Variants in PDXDC1 observed in about 807,000 individuals in gnomAD.
The protein encoded by PDXDC1 is pyridoxal dependent decarboxylase domain containing 1, also known as pyridoxal-dependent decarboxylase domain-containing protein 1.
A neutral mutation model predicts 100.1 loss-of-function variants in PDXDC1; 42 were observed. The ratio of observed to expected loss-of-function variants is 0.42; its 90% CI spans 0.33 to 0.54. The LOEUF (loss-of-function observed/expected upper bound fraction) is 0.54, where lower values mean the gene tolerates loss of function less well. PDXDC1 is among the 20% of genes least tolerant of loss of function. The pLI is 0.10. For synonymous variants in PDXDC1, 260 were observed against 371.7 expected, an observed-to-expected ratio of 0.70 and a Z score of 3.46; for missense variants, 636 against 979.2, an observed-to-expected ratio of 0.65 and a Z score of 4.68.
At chr16:15,010,453 C>G (rs1397657048) in intron 8 of PDXDC1, 1 of 154,582 alleles carries the variant, frequency 6.5e-6, no homozygotes, top group African/African-American at 2.4e-5. Context: ...AGTTCAATAC[C>G]AGTCTGGGTA....
At position 15,126,129 on chromosome 16, in the gene PDXDC1, C is replaced by G. The variant is rs2047709264; in HGVS notation, c.1400-12750C>G. On this transcript the variant is annotated intron_variant, in intron 16 of 16. Coordinates refer to the PDXDC1 transcript ENST00000535621. Reference sequence around the variant, plus strand: ...AGCTCACTGCAACCTCCACCTCCCGCGTTCAGGCGATTGTCCTGGCTCAGC... The same window carrying G: ...AGCTCACTGCAACCTCCACCTCCCGGGTTCAGGCGATTGTCCTGGCTCAGC... Among the ~76,000 whole-genome samples, 5 of 151,724 alleles carry G rather than the reference C, an allele frequency of 3.3e-5. No homozygotes were observed. The South Asian group carries it at 1.0e-3, about 32-fold the overall frequency.
At chr16:15,055,960 G>C in intron 16 of PDXDC1, 1 of 1,227,632 alleles carries the variant, frequency 8.1e-7, no homozygotes, top group South Asian at 4.0e-5. Context: ...GCCCCTCGAC[G>C]AGCAGCGGCA....
In PDXDC1 at chr16:15,135,742, C is replaced by T. The variant is rs1207802643; in HGVS notation, c.1400-3137C>T. 8 of 1,596,860 alleles carry T rather than the reference C, an allele frequency of 5.0e-6. No individual in the cohort carries two copies. In the South Asian group the frequency reaches 7.7e-5, roughly 15 times the overall value. ...CGTAGGACTCGCTCCCATCCAGCAC[C>T]AGGTCCTGTGTGTCTGACCACACGC... is the stretch of plus-strand genomic sequence containing the variant. On this transcript the variant is annotated intron_variant, in intron 16 of 16. Transcript: ENST00000535621.
intron 16 of PDXDC1, among the ~76,000 whole-genome samples, chr16:15,086,810 C>A (rs1480670238): frequency 1.3e-5 from 2 of 152,152 alleles, no homozygotes; most frequent in African/African-American, 4.8e-5. Flanking sequence ...CACAAAGGAA[C>A]AATAGCTACC....
chr16:15,028,927 C>A lies in PDXDC1; in HGVS notation c.1254C>A (p.Val418=). The A allele has an allele frequency of 1.2e-6, 2 of 1,613,798 alleles. No individual in the cohort carries two copies. Among genetic ancestry groups the A allele is most frequent in the Non-Finnish European group, 1.7e-6 (2 of 1,180,024 alleles). The part of the protein sequence containing the change: ...VPVPNMTPSG[V]GRERHSCDAL... The stretch of plus-strand genomic sequence containing the variant: ...TGCCCAACATGACACCTTCAGGAGT[C>A]GGCCGGGAGAGGCACTCGTGTGACG... The change falls in exon 15 of 23, where the codon GTC becomes GTA. Residue 418 remains valine, a synonymous_variant. Transcript: ENST00000396410.
chr16:15,055,997 C>G (rs2044500342), intron 16 of PDXDC1: 1 of 1,188,934 alleles, frequency 8.4e-7, no homozygotes, highest in East Asian at 3.4e-5. Context: ...CCAGGCAGGC[C>G]CAGGGAGGCG....
At chr16:14,993,133 A>T (rs557381013) in intron 1 of PDXDC1, among the ~76,000 whole-genome samples, 282 of 151,974 alleles carry the variant, frequency 1.9e-3, no homozygotes, top group African/African-American at 4.3e-3. Context: ...TTAAAAAAAA[A>T]TTTTTTTTTT....
intron 16 of PDXDC1, among the ~76,000 whole-genome samples, chr16:15,069,440 G>A (rs1203141740): frequency 2.0e-5 from 3 of 152,142 alleles, no homozygotes; most frequent in East Asian, 3.8e-4. Flanking sequence ...CACTGTTCTT[G>A]GAGACTCTCT....
At chr16:15,073,791 C>T (rs2045339378) in intron 16 of PDXDC1, among the ~76,000 whole-genome samples, 1 of 148,672 alleles carries the variant, frequency 6.7e-6, no homozygotes, top group Non-Finnish European at 1.5e-5. Flanking sequence ...ATTATTACGA[C>T]TTTTTTTTTT....
intron 16 of PDXDC1, among the ~76,000 whole-genome samples, chr16:15,124,629 G>A (rs1453338737): frequency 6.0e-5 from 9 of 149,968 alleles, no homozygotes; most frequent in South Asian, 2.1e-4. Flanking sequence ...AAAATTAGCC[G>A]GGTGCGGTGG....
At chr16:15,125,860 C>T in intron 16 of PDXDC1, 2 of 873,854 alleles carry the variant, frequency 2.3e-6, no homozygotes, top group South Asian at 2.7e-5. Flanking sequence ...TGCTCAGGAC[C>T]TGGATGAGAA....
chr16:15,031,384 A>AGGAATGTACAGAATCTGTGG, intron 16 of PDXDC1, among the ~76,000 whole-genome samples: 1 of 152,200 alleles, frequency 6.6e-6, no homozygotes, highest in South Asian at 2.1e-4. Flanking sequence ...TCTCAGTCAT[A>AGGAATGTACAGAATCTGTGG]GGAATGTACA....
At chr16:15,070,212 G>T (rs765788213) in intron 16 of PDXDC1, 1 of 1,608,178 alleles carries the variant, frequency 6.2e-7, no homozygotes, top group East Asian at 2.2e-5. Flanking sequence ...TAAGGTATAT[G>T]TGCAGCCAGT....
chr16:15,038,645 C>T (rs775979434), downstream of PDXDC1: 1 of 1,608,482 alleles, frequency 6.2e-7, no homozygotes, highest in Non-Finnish European at 8.5e-7. Context: ...GAGTACGGTC[C>T]TATACGAAGT....
intron 1 of PDXDC1, among the ~76,000 whole-genome samples, chr16:14,983,435 T>C (rs1443724932): frequency 6.6e-6 from 1 of 152,076 alleles, no homozygotes; most frequent in Non-Finnish European, 1.5e-5. Flanking sequence ...TAGCCGGGTG[T>C]CGTGGCATGT....
chr16:15,102,559 G>A (rs1483103795), intron 16 of PDXDC1, among the ~76,000 whole-genome samples: 3 of 151,378 alleles, frequency 2.0e-5, no homozygotes, highest in East Asian at 3.9e-4. Context: ...AGGCAGGCAG[G>A]CAGGCAGGGA....
chr16:15,014,594 A>C (rs1445240218), intron 8 of PDXDC1, among the ~76,000 whole-genome samples: 3 of 152,176 alleles, frequency 2.0e-5, no homozygotes, highest in Non-Finnish European at 2.9e-5. Context: ...TTTTAATTTG[A>C]GGTAGATTTA....
intron 16 of PDXDC1, among the ~76,000 whole-genome samples, chr16:15,081,928 T>C (rs1331587695): frequency 2.0e-5 from 3 of 152,204 alleles, no homozygotes; most frequent in African/African-American, 4.8e-5. Context: ...CCCTATTCAA[T>C]TGTCTTGAAC....
At chr16:15,025,067 T>A (rs2151575578) in intron 13 of PDXDC1, among the ~76,000 whole-genome samples, 1 of 152,418 alleles carries the variant, frequency 6.6e-6, no homozygotes, top group East Asian at 1.9e-4. Context: ...TGGATTCACC[T>A]TTTTTTGGGT....
Sources: gnomAD v4.1 joint callset for allele counts (sites outside exome capture counted in the v4.1 genomes callset) on GRCh38, gnomAD v4.1.1 for gene constraint, MANE v1.5 for transcripts, NCBI Gene and HGNC (gene_info 2026-07-23, HGNC 2026-07-21) for gene names.